The following GRIP1 variants were observed in gnomAD, a reference collection of about 807,000 sequenced individuals.
GRIP1 encodes the protein glutamate receptor-interacting protein 1.
GRIP1 carries 45 observed loss-of-function variants against 129.9 expected under a neutral mutation model. That is an observed-to-expected ratio of 0.35 (90% CI 0.27 to 0.44). The LOEUF is 0.44. GRIP1 is among the 20% of genes least tolerant of loss of function. The pLI is 1.00. For missense variants in GRIP1, 1,196 were observed against 1,396.8 expected, an observed-to-expected ratio of 0.86 and a Z score of 2.29; for synonymous variants, 530 against 520.8, an observed-to-expected ratio of 1.02 and a Z score of -0.24.
At chr12:66,496,270 T>C (rs1046257252) in intron 7 of GRIP1, among the ~76,000 whole-genome samples, 7 of 152,104 alleles carry the variant, frequency 4.6e-5, no homozygotes, top group Admixed American at 6.5e-5. Context: ...CTGTGGAAGA[T>C]AGGGGATATG....
chr12:66,540,960 G>A (rs2061759627), intron 3 of GRIP1, among the ~76,000 whole-genome samples: 1 of 151,228 alleles, frequency 6.6e-6, no homozygotes, highest in Non-Finnish European at 1.5e-5. Context: ...CATCACACCT[G>A]GCTTTTTTTT....
At chr12:66,383,667 G>A (rs2056224378) in intron 19 of GRIP1, among the ~76,000 whole-genome samples, 1 of 152,148 alleles carries the variant, frequency 6.6e-6, no homozygotes, top group South Asian at 2.1e-4. Context: ...CTTGATGGAG[G>A]CAAGAAAAGG....
chr12:66,981,215 T>C (rs1700923599), intron 1 of GRIP1, among the ~76,000 whole-genome samples: 1 of 152,262 alleles, frequency 6.6e-6, no homozygotes, highest in Non-Finnish European at 1.5e-5. Context: ...ATCTACAAGC[T>C]GGAAGTGATC....
chr12:66,532,942 C>A (rs2061500396), intron 4 of GRIP1, among the ~76,000 whole-genome samples: 1 of 152,116 alleles, frequency 6.6e-6, no homozygotes, highest in Non-Finnish European at 1.5e-5. Context: ...AGTGCCTTTG[C>A]CAATCAGATT....
chr12:66,807,630 C>T (rs192312451), upstream of GRIP1, among the ~76,000 whole-genome samples: 46 of 151,996 alleles, frequency 3.0e-4, no homozygotes, highest in East Asian at 7.2e-3. Context: ...GTAGAGACCC[C>T]GCCACTGCAC....
At chr12:66,823,287 G>GT (rs1036376589) in intron 1 of GRIP1, among the ~76,000 whole-genome samples, 6 of 152,112 alleles carry the variant, frequency 3.9e-5, no homozygotes, top group South Asian at 2.1e-4. Flanking sequence ...GTAAAGAACT[G>GT]TTTTTTTATA....
chr12:66,859,647 G>A (rs2040077137), intron 1 of GRIP1, among the ~76,000 whole-genome samples: 1 of 151,972 alleles, frequency 6.6e-6, no homozygotes, highest in African/African-American at 2.4e-5. Flanking sequence ...AATGAACTTA[G>A]ACAAAACAAG....
intron 1 of GRIP1, among the ~76,000 whole-genome samples, chr12:66,707,996 AT>A (rs1386165291): frequency 2.0e-5 from 3 of 152,046 alleles, no homozygotes; most frequent in African/African-American, 7.2e-5. Context: ...GTTATTAACA[AT>A]TGTTTAAAAG....
At chr12:66,940,724 A>G (rs1297029017) in intron 1 of GRIP1, among the ~76,000 whole-genome samples, 1 of 152,220 alleles carries the variant, frequency 6.6e-6, no homozygotes, top group Non-Finnish European at 1.5e-5. Flanking sequence ...CTACAAAGTT[A>G]AAAAGCAAAT....
intron 1 of GRIP1, among the ~76,000 whole-genome samples, chr12:66,960,579 A>T (rs1248863293): frequency 6.6e-6 from 1 of 152,184 alleles, no homozygotes; most frequent in African/African-American, 2.4e-5. Flanking sequence ...TATAGGTCAT[A>T]ATTAATTCAA....
intron 7 of GRIP1, among the ~76,000 whole-genome samples, chr12:66,472,794 C>T (rs548126906): frequency 5.3e-5 from 8 of 152,336 alleles, no homozygotes; most frequent in African/African-American, 1.7e-4. Context: ...CACACTAGCC[C>T]AGATACTACG....
intron 1 of GRIP1, among the ~76,000 whole-genome samples, chr12:66,927,999 T>C (rs868354999): frequency 6.6e-6 from 1 of 152,228 alleles, no homozygotes; most frequent in Non-Finnish European, 1.5e-5. Flanking sequence ...AATTATCTTG[T>C]GACCAGAGTG....
intron 23 of GRIP1, among the ~76,000 whole-genome samples, chr12:66,361,301 T>C (rs1251773925): frequency 3.9e-5 from 6 of 151,950 alleles, no homozygotes; most frequent in African/African-American, 1.4e-4. Context: ...CTGGCAACAG[T>C]GTGGCACCAA....
intron 1 of GRIP1, among the ~76,000 whole-genome samples, chr12:67,007,481 C>T (rs2042643499): frequency 6.6e-6 from 1 of 151,890 alleles, no homozygotes; most frequent in Non-Finnish European, 1.5e-5. Flanking sequence ...CCCCTCATCC[C>T]CCCCAAAAAA....
At chr12:66,402,316 G>C (rs756402362) in intron 16 of GRIP1, among the ~76,000 whole-genome samples, 2 of 152,306 alleles carry the variant, frequency 1.3e-5, no homozygotes, top group South Asian at 4.1e-4. Context: ...TTTAAGGGCA[G>C]GATTGTGTCC....
At position 66,371,726 on chromosome 12, in the gene GRIP1, T is replaced by A. The variant is rs2055513135; in HGVS notation, c.2980A>T (p.Ile994Phe). The A allele has an allele frequency of 6.2e-7, 1 of 1,612,860 alleles. No individual in the cohort carries two copies. The highest frequency in any genetic ancestry group is 1.3e-5 in the African/African-American group (1 of 74,900). Residue 994 changes from isoleucine (I) to phenylalanine (F), a missense_variant, in exon 23 of 25, where the codon ATC becomes TTC. Around this residue, in one of 5 missense-constraint regions of GRIP1, gnomAD observed 427 missense variants for 463.3 expected, o/e 0.92. Coordinates refer to ENST00000359742, the MANE Select transcript of GRIP1 (RefSeq NM_001366722.1). ...LRKMKQEIKEIMSPTPVELHK... is the reference protein window; with the variant it reads ...LRKMKQEIKEFMSPTPVELHK... ...AGCTCCACAGGAGTTGGAGACATGA[T>A]CTCCTTTATTTCTTGTTTCATTTTT...
At chr12:66,872,558 C>T (rs997908999) in intron 1 of GRIP1, among the ~76,000 whole-genome samples, 3 of 151,950 alleles carry the variant, frequency 2.0e-5, no homozygotes, top group South Asian at 2.1e-4. Context: ...GCCAGGGATT[C>T]GTATCTACTA....
At chr12:66,943,452 C>A (rs139337309) in intron 1 of GRIP1, among the ~76,000 whole-genome samples, 125 of 152,264 alleles carry the variant, frequency 8.2e-4, no homozygotes, top group African/African-American at 2.7e-3. Flanking sequence ...AAATTAATTT[C>A]TTTCTATTTA....
intron 1 of GRIP1, among the ~76,000 whole-genome samples, chr12:66,753,387 A>G (rs993636754): frequency 6.6e-6 from 1 of 152,200 alleles, no homozygotes; most frequent in Non-Finnish European, 1.5e-5. Flanking sequence ...GATCTGGGAC[A>G]TGGTAAAGTA....
Sources: gnomAD v4.1 joint callset for allele counts (sites outside exome capture counted in the v4.1 genomes callset) on GRCh38, gnomAD v4.1.1 for gene constraint, gnomAD v4.1.1 regional missense constraint, MANE v1.5 for transcripts, NCBI Gene and HGNC (gene_info 2026-07-23, HGNC 2026-07-21) for gene names.